The following GSTK1 variants were observed in gnomAD, a reference collection of about 807,000 sequenced individuals.
The protein encoded by GSTK1 is GST class-kappa.
GSTK1 carries 25 observed loss-of-function variants against 30.9 expected under a neutral mutation model. That is an observed-to-expected ratio of 0.81 (90% CI 0.59 to 1.13). The LOEUF (loss-of-function observed/expected upper bound fraction) is 1.13, where lower values mean the gene tolerates loss of function less well. Among genes scored for constraint, GSTK1 ranks in the 50% most tolerant of loss-of-function variants. The pLI, the probability that GSTK1 is intolerant of heterozygous loss-of-function variation, is 0.00. For missense variants in GSTK1, 292 were observed against 292.4 expected (o/e 1.00, Z 0.01); for synonymous variants, 108 against 112.5 (o/e 0.96, Z 0.25).
In GSTK1 at chr7:143,265,099, GTGGGGCTC is replaced by G; in HGVS notation, c.384+12_384+19del. On this transcript the variant is annotated splice_region_variant and intron_variant, in intron 4 of 7. Coordinates refer to ENST00000358406, the MANE Select transcript of GSTK1 (RefSeq NM_015917.3). ...GATGCGCGTCTGGTCAAGGGTGAGT[GTGGGGCTC>G]TGGGAATCCTCTGGGAGGACCTTGG... The G allele has an allele frequency of 6.2e-7, 1 of 1,614,176 alleles. No individual in the cohort carries two copies. Among genetic ancestry groups the G allele is most frequent in the Non-Finnish European group, 8.5e-7 (1 of 1,180,028 alleles).
rs200987806 is a variant in GSTK1 at position 143,263,505 on chromosome 7, G to C, written c.-9G>C. 2.5e-6 allele frequency: 4 copies of C among 1,609,002 alleles called. No homozygotes were observed. Among genetic ancestry groups the C allele is most frequent in the Non-Finnish European group, 3.4e-6 (4 of 1,179,714 alleles). On this transcript the variant is annotated 5_prime_UTR_variant, in exon 1 of 8. Transcript: ENST00000358406. ...CTCCTGCTGCCACTGCTCTTCCGGA[G>C]CCTGCAGCATGGGGCCCCTGCCGCG...
Sources: gnomAD v4.1 joint callset for allele counts on GRCh38, gnomAD v4.1.1 for gene constraint, MANE v1.5 for transcripts, NCBI Gene and HGNC (gene_info 2026-07-23, HGNC 2026-07-21) for gene names.